Variants in PRKG1 observed in about 807,000 individuals in gnomAD.
PRKG1 encodes cGMP-dependent protein kinase 1.
In PRKG1, 35 loss-of-function variants were observed where a neutral mutation model predicts 88.1. The ratio of observed to expected loss-of-function variants is 0.40; its 90% CI spans 0.30 to 0.53. The LOEUF (loss-of-function observed/expected upper bound fraction) is 0.53, where lower values mean the gene tolerates loss of function less well. Ranked by LOEUF, PRKG1 falls within the 20% of genes least tolerant of loss-of-function variation. PRKG1 has a pLI of 0.59. For synonymous variants in PRKG1, 303 were observed against 292.5 expected (o/e 1.04, Z -0.37); for missense variants, 540 against 839.8 (o/e 0.64, Z 4.41).
At chr10:51,143,897 C>A (rs533642012) in intron 1 of PRKG1, among the ~76,000 whole-genome samples, 2 of 152,006 alleles carry the variant, frequency 1.3e-5, no homozygotes, top group South Asian at 4.2e-4. Context: ...GTATAGGAGG[C>A]AAATATTTCT....
intron 2 of PRKG1, among the ~76,000 whole-genome samples, chr10:51,336,427 C>A (rs1027701769): frequency 3.9e-5 from 6 of 152,046 alleles, no homozygotes; most frequent in East Asian, 1.9e-4. Flanking sequence ...ATATTAAATT[C>A]TTGTATAGAA....
At chr10:52,241,926 C>T (rs903759582) in intron 9 of PRKG1, among the ~76,000 whole-genome samples, 2 of 152,152 alleles carry the variant, frequency 1.3e-5, no homozygotes, top group Admixed American at 6.5e-5. Flanking sequence ...TCTTAGTCTT[C>T]GGGTAGAAAA....
intron 2 of PRKG1, among the ~76,000 whole-genome samples, chr10:51,264,949 A>G (rs1839801487): frequency 6.6e-6 from 1 of 152,208 alleles, no homozygotes; most frequent in Non-Finnish European, 1.5e-5. Context: ...CAAAAAGAGT[A>G]AAATGATACA....
chr10:51,871,074 T>G (rs1457678715), intron 4 of PRKG1, among the ~76,000 whole-genome samples: 1 of 152,226 alleles, frequency 6.6e-6, no homozygotes, highest in Non-Finnish European at 1.5e-5. Context: ...TCCTTGATTT[T>G]TCTCTGTTGG....
At chr10:51,939,857 T>A (rs1232833803) in intron 5 of PRKG1, among the ~76,000 whole-genome samples, 2 of 151,804 alleles carry the variant, frequency 1.3e-5, no homozygotes, top group Admixed American at 6.6e-5. Flanking sequence ...AAAGTTATGC[T>A]GATGAGTGAT....
chr10:52,109,653 G>A (rs376821603), intron 7 of PRKG1, among the ~76,000 whole-genome samples: 1 of 150,938 alleles, frequency 6.6e-6, no homozygotes, highest in East Asian at 2.0e-4. Flanking sequence ...TGTAATCCCA[G>A]CTACTCAGGA....
chr10:52,170,927 G>A (rs2132708445), intron 9 of PRKG1, among the ~76,000 whole-genome samples: 1 of 152,264 alleles, frequency 6.6e-6, no homozygotes, highest in Admixed American at 6.5e-5. Flanking sequence ...CTTTGAAAAT[G>A]CGCTCATCAA....
intron 2 of PRKG1, among the ~76,000 whole-genome samples, chr10:51,171,570 G>C (rs959126975): frequency 4.6e-5 from 7 of 152,106 alleles, no homozygotes; most frequent in African/African-American, 1.7e-4. Context: ...TGACAGGGCA[G>C]ATAGCTTCAT....
chr10:51,636,329 A>G (rs1330547077), intron 3 of PRKG1, among the ~76,000 whole-genome samples: 1 of 152,194 alleles, frequency 6.6e-6, no homozygotes, highest in Non-Finnish European at 1.5e-5. Flanking sequence ...AAAACCATTG[A>G]TTCTCCATAA....
intron 4 of PRKG1, among the ~76,000 whole-genome samples, chr10:51,862,062 C>A (rs918227388): frequency 6.6e-6 from 1 of 152,210 alleles, no homozygotes; most frequent in African/African-American, 2.4e-5. Flanking sequence ...TGTTACAGCC[C>A]TTGTCTAGGG....
At chr10:51,424,957 T>C (rs1838532609) in intron 2 of PRKG1, among the ~76,000 whole-genome samples, 1 of 152,184 alleles carries the variant, frequency 6.6e-6, no homozygotes, top group African/African-American at 2.4e-5. Flanking sequence ...GATTCTTTAA[T>C]ATTCTACTTA....
chr10:51,850,600 T>A (rs1840527890), intron 4 of PRKG1, among the ~76,000 whole-genome samples: 1 of 151,960 alleles, frequency 6.6e-6, no homozygotes, highest in South Asian at 2.1e-4. Context: ...GCATTACATA[T>A]CATAAAGAGC....
At chr10:52,274,831 A>G (rs1841830917) in intron 12 of PRKG1, among the ~76,000 whole-genome samples, 1 of 151,966 alleles carries the variant, frequency 6.6e-6, no homozygotes, top group Non-Finnish European at 1.5e-5. Context: ...CACTCCATCC[A>G]CACCAGGATC....
At chr10:52,099,028 T>C (rs1226306423) in intron 7 of PRKG1, among the ~76,000 whole-genome samples, 3 of 152,198 alleles carry the variant, frequency 2.0e-5, no homozygotes, top group Non-Finnish European at 4.4e-5. Flanking sequence ...CTTAATCTTC[T>C]TTGGCTATAT....
At chr10:51,956,762 T>G (rs1207083670) in intron 5 of PRKG1, among the ~76,000 whole-genome samples, 2 of 151,900 alleles carry the variant, frequency 1.3e-5, no homozygotes, top group Non-Finnish European at 2.9e-5. Context: ...TCCCCACTCA[T>G]ATTCACTCTG....
At chr10:52,182,608 T>G (rs1024333085) in intron 9 of PRKG1, among the ~76,000 whole-genome samples, 1 of 140,426 alleles carries the variant, frequency 7.1e-6, no homozygotes, top group Non-Finnish European at 1.5e-5. Context: ...AATTAATTTT[T>G]GTATAAGGTG....
intron 10 of PRKG1, among the ~76,000 whole-genome samples, chr10:52,268,950 A>G (rs1473304570): frequency 1.3e-5 from 2 of 152,118 alleles, no homozygotes; most frequent in Admixed American, 1.3e-4. Context: ...TTAAGCAACT[A>G]GCCCGAGAGA....
chr10:51,548,577 T>C (rs1842500100), intron 3 of PRKG1, among the ~76,000 whole-genome samples: 1 of 152,172 alleles, frequency 6.6e-6, no homozygotes, highest in African/African-American at 2.4e-5. Flanking sequence ...TATCCTCTTT[T>C]AGCTCAGTGT....
chr10:51,711,126 G>T (rs1184883020), intron 3 of PRKG1, among the ~76,000 whole-genome samples: 3 of 152,022 alleles, frequency 2.0e-5, no homozygotes, highest in African/African-American at 7.2e-5. Context: ...TTTTTTTTGA[G>T]ATGGAGTCTC....
Sources: gnomAD v4.1 joint callset for allele counts (sites outside exome capture counted in the v4.1 genomes callset) on GRCh38, gnomAD v4.1.1 for gene constraint, MANE v1.5 for transcripts, NCBI Gene and HGNC (gene_info 2026-07-23, HGNC 2026-07-21) for gene names.